Variants in LETM2 observed in about 807,000 individuals in gnomAD.
The protein encoded by LETM2 is LETM1 domain-containing protein LETM2, mitochondrial.
LETM2 carries 58 observed loss-of-function variants against 59.6 expected under a neutral mutation model. The observed-to-expected ratio is 0.97, with a 90% CI of 0.79 to 1.21. The LOEUF is 1.21. LETM2 is among the 50% of genes most tolerant of loss of function. The probability of loss-of-function intolerance (pLI) is 0.00; values close to 1 mark genes in which losing one functional copy is unlikely to be tolerated. For synonymous variants in LETM2, 199 were observed against 214.1 expected (o/e 0.93, Z 0.62); for missense variants, 572 against 575.7 (o/e 0.99, Z 0.07).
intron 2 of LETM2, among the ~76,000 whole-genome samples, chr8:38,389,828 G>A (rs1297462697): frequency 2.0e-5 from 3 of 151,604 alleles, no homozygotes; most frequent in South Asian, 2.1e-4. Context: ...GTGAAACCCC[G>A]TCTCTACTAA....
At chr8:38,397,775 A>C (rs1487655272) in intron 4 of LETM2, among the ~76,000 whole-genome samples, 1 of 152,214 alleles carries the variant, frequency 6.6e-6, no homozygotes, top group African/African-American at 2.4e-5. Context: ...GAGCCAAGGA[A>C]GGGAAACCAG....
At chr8:38,385,301 G>A (rs1811728568), upstream of LETM2, among the ~76,000 whole-genome samples, 1 of 152,208 alleles carries the variant, frequency 6.6e-6, no homozygotes. Flanking sequence ...GCCCAGATGA[G>A]TAAAGTCTGT....
chr8:38,391,586 C>G (rs1212103056), intron 2 of LETM2, among the ~76,000 whole-genome samples: 1 of 151,762 alleles, frequency 6.6e-6, no homozygotes, highest in African/African-American at 2.4e-5. Flanking sequence ...AGCCACTGTG[C>G]CTGGCCCATA....
intron 2 of LETM2, among the ~76,000 whole-genome samples, chr8:38,389,697 CAGG>C (rs1812058490): frequency 6.6e-6 from 1 of 151,918 alleles, no homozygotes. Context: ...AGCTCGAGCC[CAGG>C]AGTTCAAGAA....
chr8:38,408,033 A>C, intron 10 of LETM2, 179 bp from the exon 11 acceptor site: 1 of 556,766 alleles, frequency 1.8e-6, no homozygotes, highest in East Asian at 3.1e-5. Context: ...AAGCATCCCA[A>C]GGCACACACA....
In LETM2 at chr8:38,401,067, C is replaced by G. The variant is rs750225846; in HGVS notation, c.984+14C>G. On this transcript the variant is annotated intron_variant, in intron 6 of 10. Transcript: ENST00000379957. ...GCAGATGATGAAGTAAGAGCTTAAC[C>G]ATAGCTCTAGGGAATTAGCAAGGTT... 4 of 1,597,348 alleles carry G rather than the reference C, an allele frequency of 2.5e-6. No homozygotes were observed. Among genetic ancestry groups the G allele is most frequent in the South Asian group, 1.1e-5 (1 of 90,648 alleles).
In LETM2 at chr8:38,407,429, T is replaced by C. The variant is rs749992245; in HGVS notation, c.1379T>C (p.Leu460Ser). The C allele has an allele frequency of 1.2e-6, 2 of 1,612,562 alleles. No homozygotes were observed. The highest frequency in any genetic ancestry group is 8.5e-7 in the Non-Finnish European group (1 of 1,178,670). Residue 460 changes from leucine to serine, a missense_variant, in exon 10 of 11, where the codon TTA (leucine) becomes TCA (serine). Transcript: ENST00000379957. ...ATAACACCATCAACACCTATTTCATTACCTAAAGGACCCATCACTTCTTCT... is the reference window on the plus strand; with the variant it reads ...ATAACACCATCAACACCTATTTCATCACCTAAAGGACCCATCACTTCTTCT... ...SPITPSTPIS[L>S]PKGPITSSEE...
In LETM2 at chr8:38,408,218, C is replaced by A. The variant is rs774753456; in HGVS notation, c.1420C>A (p.Gln474Lys). 6.2e-7 allele frequency: 1 copy of A among 1,612,514 alleles called. No homozygotes were observed. The change falls in exon 11 of 11, where the codon CAG (glutamine) becomes AAG (lysine). Residue 474 changes from glutamine (Q) to lysine (K), a missense_variant. By Grantham distance (53) the Gln-to-Lys change is moderately conservative. Transcript: ENST00000379957. ...PITSSEEPTL[Q>K]AKSQMTAQNS... ...CCTTGTTTTTTACGCCTAGACACTC[C>A]AGGCCAAATCACAAATGACGGCCCA...
chr8:38,390,176 C>G (rs1295638281), intron 2 of LETM2, among the ~76,000 whole-genome samples: 1 of 152,052 alleles, frequency 6.6e-6, no homozygotes, highest in East Asian at 1.9e-4. Flanking sequence ...CTACTCCAGC[C>G]TCGGTTTTTA....
chr8:38,394,771 G>A (rs1034629930), intron 4 of LETM2, among the ~76,000 whole-genome samples: 2 of 151,084 alleles, frequency 1.3e-5, no homozygotes, highest in Non-Finnish European at 2.9e-5. Context: ...GAGCCCAGGA[G>A]GTCAAGGCTG....
intron 4 of LETM2, among the ~76,000 whole-genome samples, chr8:38,397,846 T>A (rs1812814215): frequency 6.6e-6 from 1 of 151,794 alleles, no homozygotes; most frequent in Non-Finnish European, 1.5e-5. Flanking sequence ...ACAATAAGAA[T>A]AAAGACTTGA....
intron 8 of LETM2, among the ~76,000 whole-genome samples, chr8:38,405,645 A>G (rs77712782): frequency 0.034 from 5,148 of 152,332 alleles, 139 homozygotes; most frequent in East Asian, 0.13. Context: ...GACTAGGAGC[A>G]GTTTCAGAGT....
intron 8 of LETM2, chr8:38,406,708 G>C: frequency 4.9e-6 from 2 of 404,568 alleles, no homozygotes; most frequent in Admixed American, 4.0e-5. Context: ...TTAAATGCTA[G>C]AATCTATCAG....
rs1172327760 is a variant in LETM2, at chr8:38,392,690, G to C, written c.196G>C (p.Val66Leu). The C allele has an allele frequency of 6.2e-7, 1 of 1,614,160 alleles. No homozygotes were observed. The highest frequency in any genetic ancestry group is 8.5e-7 in the Non-Finnish European group (1 of 1,180,030). ...GGATCCTAGTCAGCCAGGCAATACA[G>C]TACTTCACCCAGGAACTAGACTAAT... ...YSDPSQPGNTVLHPGTRLIQK... is the reference protein window; with the variant it reads ...YSDPSQPGNTLLHPGTRLIQK... Residue 66 changes from valine (V) to leucine (L), a missense_variant, in exon 3 of 11, where the codon GTA (valine) becomes CTA (leucine). Transcript: ENST00000379957.
At chr8:38,403,213 A>G (rs1262885428) in intron 7 of LETM2, among the ~76,000 whole-genome samples, 1 of 152,208 alleles carries the variant, frequency 6.6e-6, no homozygotes, top group Non-Finnish European at 1.5e-5. Flanking sequence ...AGGCCCATCC[A>G]AAGAATCTCC....
intron 4 of LETM2, among the ~76,000 whole-genome samples, chr8:38,397,837 C>A (rs1812813279): frequency 6.6e-6 from 1 of 151,908 alleles, no homozygotes; most frequent in African/African-American, 2.4e-5. Flanking sequence ...ATGAAATTGA[C>A]AATAAGAATA....
At chr8:38,398,793 G>A (rs921785516) in intron 4 of LETM2, among the ~76,000 whole-genome samples, 1 of 150,244 alleles carries the variant, frequency 6.7e-6, no homozygotes, top group African/African-American at 2.5e-5. Context: ...CGTTATCTCG[G>A]CTAACTGCAT....
At chr8:38,399,263 C>A (rs866896129) in intron 4 of LETM2, among the ~76,000 whole-genome samples, 26 of 152,196 alleles carry the variant, frequency 1.7e-4, no homozygotes, top group African/African-American at 5.8e-4. Context: ...CCAGCCAACA[C>A]AGTGTCCATT....
intron 8 of LETM2, among the ~76,000 whole-genome samples, chr8:38,405,296 AT>A (rs200737958): frequency 0.014 from 2,123 of 152,202 alleles, 29 homozygotes; most frequent in Non-Finnish European, 0.021. Flanking sequence ...AGAGCATAAG[AT>A]TGGCCCAGTC....
Sources: gnomAD v4.1 joint callset for allele counts (sites outside exome capture counted in the v4.1 genomes callset) on GRCh38, gnomAD v4.1.1 for gene constraint, MANE v1.5 for transcripts, NCBI Gene and HGNC (gene_info 2026-07-23, HGNC 2026-07-21) for gene names.